Variants in HIVEP3 observed in about 807,000 individuals in gnomAD.
The protein encoded by HIVEP3 is HIVEP zinc finger 3, also known as transcription factor HIVEP3.
A neutral mutation model predicts 152.8 loss-of-function variants in HIVEP3; 49 were observed. That is an observed-to-expected ratio of 0.32 (90% confidence interval 0.26 to 0.41). The LOEUF (loss-of-function observed/expected upper bound fraction) is 0.41. HIVEP3 is among the 10% of genes least tolerant of loss of function. The pLI is 1.00. For synonymous variants in HIVEP3, 1,269 were observed against 1,289.0 expected (o/e 0.98, Z 0.33); for missense variants, 2,790 against 3,103.3 (o/e 0.90, Z 2.40).
intron 1 of HIVEP3, among the ~76,000 whole-genome samples, chr1:41,825,783 T>G (rs539226778): frequency 9.2e-4 from 139 of 151,902 alleles, no homozygotes; most frequent in Admixed American, 4.1e-3. Context: ...AGTTTTGTAT[T>G]TTTTTGTAGA....
chr1:41,703,853 A>C (rs528393532), intron 1 of HIVEP3, among the ~76,000 whole-genome samples: 3 of 152,370 alleles, frequency 2.0e-5, no homozygotes, highest in Non-Finnish European at 4.4e-5. Context: ...GGAGTCCCCC[A>C]GTTCCTTGCT....
intron 1 of HIVEP3, among the ~76,000 whole-genome samples, chr1:41,844,365 T>A (rs1040361056): frequency 6.6e-6 from 1 of 152,210 alleles, no homozygotes; most frequent in African/African-American, 2.4e-5. Flanking sequence ...ATTTTAAGGA[T>A]GAACCTGAGC....
At chr1:41,820,892 A>C (rs1034072502) in intron 1 of HIVEP3, among the ~76,000 whole-genome samples, 24 of 152,238 alleles carry the variant, frequency 1.6e-4, no homozygotes, top group African/African-American at 5.1e-4. Flanking sequence ...TCTTCAATTC[A>C]AAGTAAGAAA....
At chr1:41,535,828 G>A (rs1326243447) in intron 5 of HIVEP3, 1 of 151,888 alleles carries the variant, frequency 6.6e-6, no homozygotes, top group Non-Finnish European at 1.5e-5. Context: ...CTCAAAAGTG[G>A]TGACGCAAGG....
intron 3 of HIVEP3, among the ~76,000 whole-genome samples, chr1:41,597,542 C>G (rs954349541): frequency 1.3e-5 from 2 of 152,144 alleles, no homozygotes; most frequent in Non-Finnish European, 2.9e-5. Context: ...TATTATCATT[C>G]CCATTTTACA....
intron 1 of HIVEP3, among the ~76,000 whole-genome samples, chr1:41,857,659 C>A (rs1643805179): frequency 6.6e-6 from 1 of 152,154 alleles, no homozygotes; most frequent in Non-Finnish European, 1.5e-5. Flanking sequence ...TTCATTTTCA[C>A]AACATGATGC....
At chr1:41,631,832 G>A (rs1050082528) in intron 2 of HIVEP3, among the ~76,000 whole-genome samples, 10 of 152,240 alleles carry the variant, frequency 6.6e-5, no homozygotes, top group East Asian at 1.9e-4. Context: ...AAATGGCCGT[G>A]CTCTCTTCCT....
chr1:41,691,468 G>A (rs1313256968), intron 2 of HIVEP3, among the ~76,000 whole-genome samples: 3 of 152,190 alleles, frequency 2.0e-5, no homozygotes, highest in Non-Finnish European at 4.4e-5. Context: ...TTAGGAGGTG[G>A]GGCCTTTGGG....
At chr1:41,940,173 T>G (rs926691377) in intron 1 of HIVEP3, among the ~76,000 whole-genome samples, 1 of 152,258 alleles carries the variant, frequency 6.6e-6, no homozygotes, top group Non-Finnish European at 1.5e-5. Flanking sequence ...TACCCTGACA[T>G]TCTCTGCCTC....
chr1:41,937,950 C>A (rs536118058), intron 1 of HIVEP3, among the ~76,000 whole-genome samples: 1 of 152,302 alleles, frequency 6.6e-6, no homozygotes, highest in African/African-American at 2.4e-5. Flanking sequence ...TATATGTGGA[C>A]AAATCAACCA....
At chr1:42,023,712 G>A (rs955875121) in intron 1 of HIVEP3, among the ~76,000 whole-genome samples, 3 of 151,976 alleles carry the variant, frequency 2.0e-5, no homozygotes, top group South Asian at 2.1e-4. Flanking sequence ...TTCACCTTCC[G>A]CCATGATTGT....
Position 41,511,320 on chromosome 1 carries a change from G to C in HIVEP3, c.6406-54C>G, listed in dbSNP as rs946405992. On this transcript the variant is annotated intron_variant, in intron 8 of 8. Coordinates refer to ENST00000372583, the MANE Select transcript of HIVEP3 (RefSeq NM_024503.5). This position sits in a 1 kb window ranked among gnomAD's most constrained non-coding sequence, Gnocchi z 4.9. ...GTGAAGGTTACATGCTGGGCACATG[G>C]GGAGCCGAGGCCTGGAAGTGGGAGG... 7.7e-6 allele frequency: 11 copies of C among 1,437,250 alleles called. No homozygotes were observed. The highest frequency in any genetic ancestry group is 2.2e-5 in the Admixed American group (1 of 44,736). The allele number at this position is 1,437,250 out of a possible 1,614,324, so 89.0% of individuals were successfully genotyped here.
chr1:41,837,215 C>T (rs1643150008), intron 1 of HIVEP3, among the ~76,000 whole-genome samples: 1 of 152,240 alleles, frequency 6.6e-6, no homozygotes, highest in Admixed American at 6.5e-5. Flanking sequence ...GCTTCCATCT[C>T]ATTTGGGGTT....
Position 41,584,144 on chromosome 1 carries a change from C to G in HIVEP3, c.654G>C (p.Arg218Ser). The change falls in exon 4 of 9, where the codon AGG (arginine) becomes AGC (serine). Residue 218 changes from arginine to serine, a missense_variant. Arg to Ser is a moderately radical substitution (Grantham distance 110). Around this residue, in one of 9 missense-constraint regions of HIVEP3, gnomAD observed 25 missense variants for 75.9 expected, o/e 0.33. Coordinates refer to ENST00000372583, the MANE Select transcript of HIVEP3 (RefSeq NM_024503.5). This position sits in a 1 kb window ranked among gnomAD's most constrained non-coding sequence, Gnocchi z 5.2. Reference sequence around the variant, plus strand: ...AGCCACAGGGGCCGCAGGGGTAGGGCCTCTCACCTGTGTGTGAGCGAATGT... The same window carrying G: ...AGCCACAGGGGCCGCAGGGGTAGGGGCTCTCACCTGTGTGTGAGCGAATGT... ...QKHIRSHTGE[R>S]PYPCGPCGFS... The G allele has an allele frequency of 1.2e-6, 2 of 1,614,194 alleles. No homozygotes were observed. The highest frequency in any genetic ancestry group is 1.7e-6 in the Non-Finnish European group (2 of 1,180,028).
intron 1 of HIVEP3, among the ~76,000 whole-genome samples, chr1:41,770,681 A>G (rs749749702): frequency 1.3e-5 from 2 of 152,174 alleles, no homozygotes; most frequent in Non-Finnish European, 2.9e-5. Context: ...TGAACATTCT[A>G]TAGTATGCCC....
In HIVEP3 at chr1:41,524,894, C is replaced by T. The variant is rs1291998192; in HGVS notation, c.5224G>A (p.Glu1742Lys). The T allele has an allele frequency of 7.4e-6, 12 of 1,613,598 alleles. No homozygotes were observed. The highest frequency in any genetic ancestry group is 1.0e-5 in the Non-Finnish European group (12 of 1,179,806). The change falls in exon 6 of 9, where the codon GAG (glutamate) becomes AAG (lysine). Residue 1742 changes from glutamate to lysine, a missense_variant. Glu to Lys is a moderately conservative substitution (Grantham distance 56). Coordinates refer to ENST00000372583, the MANE Select transcript of HIVEP3 (RefSeq NM_024503.5). ...IFEGGYKSNE[E>K]YVYVRGRGRG... is the part of the protein sequence containing the mutation. ...CCGCGGCCTCGCACATATACATACTCTTCGTTTGATTTGTACCTATGAGCA... is the reference window on the plus strand; with the variant it reads ...CCGCGGCCTCGCACATATACATACTTTTCGTTTGATTTGTACCTATGAGCA...
chr1:42,035,572 G>A (rs1401050660), intron 1 of HIVEP3, among the ~76,000 whole-genome samples: 5 of 152,128 alleles, frequency 3.3e-5, no homozygotes, highest in South Asian at 2.1e-4. Context: ...CGGGAAGGGG[G>A]GCTCGGGACA....
chr1:41,728,326 C>T (rs899173006), intron 1 of HIVEP3, among the ~76,000 whole-genome samples: 1 of 152,198 alleles, frequency 6.6e-6, no homozygotes, highest in African/African-American at 2.4e-5. Flanking sequence ...GGCACAAATT[C>T]CTCAGCCCCA....
chr1:41,701,067 G>T, intron 1 of HIVEP3, 72 bp from the exon 2 acceptor site: 3 of 733,698 alleles, frequency 4.1e-6, no homozygotes, highest in African/African-American at 1.9e-5. Context: ...TTTGAAAAAG[G>T]CACCCAAAAA....
Sources: gnomAD v4.1 joint callset for allele counts (sites outside exome capture counted in the v4.1 genomes callset) on GRCh38, gnomAD v4.1.1 for gene constraint, gnomAD v4.1.1 regional missense constraint, Gnocchi (gnomAD v3.1) non-coding constraint, MANE v1.5 for transcripts, NCBI Gene and HGNC (gene_info 2026-07-23, HGNC 2026-07-21) for gene names.